Variants in SLC18B1 observed in about 807,000 individuals in gnomAD.
SLC18B1 encodes the protein solute carrier family 18 member B1.
SLC18B1 carries 62 observed loss-of-function variants against 53.9 expected under a neutral mutation model. The ratio of observed to expected loss-of-function variants is 1.15; its 90% CI spans 0.94 to 1.42. SLC18B1 has a LOEUF of 1.42. Among genes scored for constraint, SLC18B1 ranks in the 40% most tolerant of loss-of-function variants. The pLI, the probability that SLC18B1 is intolerant of heterozygous loss-of-function variation, is 0.00. For missense variants in SLC18B1, 598 were observed against 547.3 expected (o/e 1.09, Z -0.93); for synonymous variants, 217 against 200.9 (o/e 1.08, Z -0.68).
chr6:132,788,995 A>T (rs7760377), intron 4 of SLC18B1, among the ~76,000 whole-genome samples: 7,096 of 151,522 alleles, frequency 0.047, 574 homozygotes, highest in African/African-American at 0.16. Flanking sequence ...ACCCCATTTC[A>T]TTTAATATAA....
At chr6:132,772,955 T>C in intron 10 of SLC18B1, 38 bp downstream of exon 10, 1 of 1,446,930 alleles carries the variant, frequency 6.9e-7, no homozygotes, top group Non-Finnish European at 9.7e-7. Context: ...TTACTACTTA[T>C]TCACAATACA....
rs11965044 is a variant in SLC18B1, at chr6:132,787,723, G to C, written c.354-142C>G. 0.014 allele frequency: 9,729 copies of C among 708,146 alleles called. 759 individuals carry two copies. The African/African-American group carries it at 0.16, about 12-fold the overall frequency. The allele number at this position is 708,146 out of a possible 1,614,324, so 43.9% of individuals were successfully genotyped here. ...GCTTTAGAATATGATTTTTTTAAAA[G>C]AGTTGCTTTGTTGTCTTTTCAGGAG... On this transcript the variant is annotated intron_variant, in intron 4 of 13. Coordinates refer to ENST00000275227, the MANE Select transcript of SLC18B1 (RefSeq NM_052831.3).
chr6:132,778,155 C>T (rs999417023), intron 7 of SLC18B1, among the ~76,000 whole-genome samples: 2 of 152,084 alleles, frequency 1.3e-5, no homozygotes, highest in Non-Finnish European at 2.9e-5. Context: ...GGAGGAATGT[C>T]ACAAGGTCAA....
chr6:132,781,832 G>A (rs1032484853), intron 6 of SLC18B1, among the ~76,000 whole-genome samples: 2 of 151,798 alleles, frequency 1.3e-5, no homozygotes, highest in Admixed American at 1.3e-4. Context: ...AGTTTTGCAG[G>A]ATGAGTAAGG....
intron 2 of SLC18B1, among the ~76,000 whole-genome samples, chr6:132,793,824 A>G (rs1329450447): frequency 2.0e-5 from 3 of 152,204 alleles, no homozygotes; most frequent in East Asian, 3.8e-4. Flanking sequence ...TACTCAGCCT[A>G]TAGTCCTCGG....
chr6:132,788,814 C>G (rs148138848), intron 4 of SLC18B1, among the ~76,000 whole-genome samples: 4,649 of 139,928 alleles, frequency 0.033, 94 homozygotes, highest in African/African-American at 0.055. Flanking sequence ...TAGAGTGAGA[C>G]TCCATCTCAA....
intron 2 of SLC18B1, among the ~76,000 whole-genome samples, chr6:132,792,119 T>G (rs1781537564): frequency 6.6e-6 from 1 of 150,792 alleles, no homozygotes; most frequent in Non-Finnish European, 1.5e-5. Flanking sequence ...TCCCAGCTAC[T>G]CAGGAGACTG....
intron 5 of SLC18B1, among the ~76,000 whole-genome samples, chr6:132,786,200 A>G (rs1027979090): frequency 1.3e-5 from 2 of 152,192 alleles, no homozygotes; most frequent in African/African-American, 4.8e-5. Flanking sequence ...CCAAATGGCA[A>G]TAGAACCTAC....
At chr6:132,792,402 A>T (rs1435628936) in intron 2 of SLC18B1, among the ~76,000 whole-genome samples, 1 of 151,244 alleles carries the variant, frequency 6.6e-6, no homozygotes, top group East Asian at 1.9e-4. Flanking sequence ...GAAAGAAGGA[A>T]GGAAGGAAGG....
intron 8 of SLC18B1, among the ~76,000 whole-genome samples, chr6:132,775,697 T>C (rs1562263083): frequency 1.3e-5 from 2 of 152,192 alleles, no homozygotes; most frequent in Admixed American, 6.5e-5. Context: ...TTTTGTTTTG[T>C]TTTGTTTTGC....
intron 2 of SLC18B1, among the ~76,000 whole-genome samples, chr6:132,792,551 TTTA>T (rs1380613960): frequency 6.6e-6 from 1 of 152,122 alleles, no homozygotes; most frequent in African/African-American, 2.4e-5. Context: ...CCAGAATCTC[TTTA>T]TTAAGTGCCG....
At chr6:132,779,730 A>G (rs1781183676) in intron 6 of SLC18B1, among the ~76,000 whole-genome samples, 1 of 152,248 alleles carries the variant, frequency 6.6e-6, no homozygotes, top group African/African-American at 2.4e-5. Context: ...GACATGTATT[A>G]GTCTGTTCTC....
In SLC18B1 at chr6:132,776,438, G is replaced by T. The variant is rs147738195; in HGVS notation, c.796-9C>A. On this transcript the variant is annotated splice_polypyrimidine_tract_variant and intron_variant, in intron 7 of 13. Transcript: ENST00000275227. ...CCAGCTGGTAAATTGAACTGTAAAA[G>T]AAATCCTATATTAAAGTTACATAAT... 3.6e-5 allele frequency: 58 copies of T among 1,596,992 alleles called. No homozygotes were observed. The African/African-American group carries it at 7.1e-4, about 20-fold the overall frequency.
At position 132,798,432 on chromosome 6, in the gene SLC18B1, C is replaced by T; in HGVS notation, c.25G>A (p.Gly9Arg). 1.3e-6 allele frequency: 2 copies of T among 1,530,076 alleles called. No individual in the cohort carries two copies. The highest frequency in any genetic ancestry group is 1.8e-6 in the Non-Finnish European group (2 of 1,136,018). The allele number at this position is 1,530,076 out of a possible 1,614,324, so 94.8% of individuals were successfully genotyped here. A position where few individuals can be genotyped will look rare whatever the true frequency, so the allele number is the denominator to read the frequency against. ...TGGTCACCTCCTGGTGCGCGTGGTC[C>T]CTCCAGGTCACCCAGCGCCTCCATC... is the stretch of plus-strand genomic sequence containing the variant. Reference protein sequence around the residue: MEALGDLEGPRAPGGDDPA... With the variant: MEALGDLERPRAPGGDDPA... The change falls in exon 1 of 14, where the codon GGA becomes AGA. Residue 9 changes from glycine (G) to arginine (R), a missense_variant. Gly to Arg is a moderately radical substitution (Grantham distance 125). Coordinates refer to ENST00000275227, the MANE Select transcript of SLC18B1 (RefSeq NM_052831.3).
chr6:132,777,817 C>A (rs1781135704), intron 7 of SLC18B1, among the ~76,000 whole-genome samples: 1 of 152,182 alleles, frequency 6.6e-6, no homozygotes, highest in Non-Finnish European at 1.5e-5. Context: ...CTTAAAAGCA[C>A]AGAAAAACAG....
chr6:132,789,960 A>C (rs1781480584), intron 3 of SLC18B1, 123 bp from the exon 4 acceptor site: 4 of 690,424 alleles, frequency 5.8e-6, no homozygotes, highest in Middle Eastern at 3.8e-4. Flanking sequence ...AATATATTAT[A>C]ATAATTCTTT....
At chr6:132,782,065 G>A (rs1039173321) in intron 6 of SLC18B1, among the ~76,000 whole-genome samples, 1 of 151,406 alleles carries the variant, frequency 6.6e-6, no homozygotes, top group Non-Finnish European at 1.5e-5. Flanking sequence ...GCATGCACCT[G>A]TACTCCCAGC....
intron 11 of SLC18B1, 36 bp downstream of exon 11, chr6:132,772,092 CAAAA>C (rs200939302): frequency 1.3e-4 from 149 of 1,124,440 alleles, no homozygotes; most frequent in Admixed American, 4.5e-4. Context: ...AACTCCATCT[CAAAA>C]AAAAAAAAAA....
intron 10 of SLC18B1, among the ~76,000 whole-genome samples, 155 bp from the exon 11 acceptor site, chr6:132,772,361 T>A (rs1479918959): frequency 2.0e-5 from 3 of 152,154 alleles, no homozygotes; most frequent in Non-Finnish European, 4.4e-5. Context: ...CAAATCTTAT[T>A]TAAAAGAATT....
Sources: allele counts gnomAD v4.1 joint callset (sites outside exome capture counted in the v4.1 genomes callset), GRCh38; gene constraint gnomAD v4.1.1; transcripts MANE v1.5; gene names NCBI Gene and HGNC (gene_info 2026-07-23, HGNC 2026-07-21).